The following NEBL variants were observed in gnomAD, a reference collection of about 807,000 sequenced individuals.
NEBL encodes the protein LIM and SH3 protein 2.
Under a neutral mutation model 140.2 loss-of-function variants are expected in NEBL, and 122 were observed. The ratio of observed to expected loss-of-function variants is 0.87; its 90% CI spans 0.75 to 1.01. The LOEUF is 1.01. NEBL is among the 50% of genes least tolerant of loss of function. NEBL has a pLI of 0.00. For synonymous variants in NEBL, 436 were observed against 398.9 expected, an observed-to-expected ratio of 1.09 and a Z score of -1.11; for missense variants, 1,365 against 1,231.3, an observed-to-expected ratio of 1.11 and a Z score of -1.62.
chr10:20,791,197 T>C (rs1835936249), intron 26 of NEBL, among the ~76,000 whole-genome samples: 1 of 152,198 alleles, frequency 6.6e-6, no homozygotes, highest in Admixed American at 6.5e-5. Flanking sequence ...GCTCTAAGCA[T>C]TTCAGGCTCT....
At chr10:20,837,745 G>T (rs941786718) in intron 13 of NEBL, among the ~76,000 whole-genome samples, 1 of 152,174 alleles carries the variant, frequency 6.6e-6, no homozygotes, top group Non-Finnish European at 1.5e-5. Context: ...TCTTATTAGG[G>T]TCTAACACAG....
At chr10:20,889,752 ATAT>A in intron 3 of NEBL, 90 bp downstream of exon 3, 1 of 815,258 alleles carries the variant, frequency 1.2e-6, no homozygotes, top group Non-Finnish European at 2.1e-6. Flanking sequence ...GCTTTTGAAA[ATAT>A]TATTCTTCAT....
chr10:20,815,734 C>T lies in NEBL; in HGVS notation c.2149-17G>A, dbSNP rs750555294. ...GTAATAAACCTATCATTTCAGAGAA[C>T]AAAAAATAGAATACTATGAATCAAT... On this transcript the variant is annotated splice_polypyrimidine_tract_variant and intron_variant, in intron 21 of 27. Transcript: ENST00000377122. 2 of 1,488,642 alleles carry T rather than the reference C, an allele frequency of 1.3e-6. No homozygotes were observed. Among genetic ancestry groups the T allele is most frequent in the Non-Finnish European group, 1.9e-6 (2 of 1,066,454 alleles). The allele number at this position is 1,488,642 out of a possible 1,614,324, so 92.2% of individuals were successfully genotyped here. A position where few individuals can be genotyped will look rare whatever the true frequency, so the allele number is the denominator to read the frequency against.
chr10:20,891,011 C>T (rs1296496088), intron 2 of NEBL, among the ~76,000 whole-genome samples: 7 of 152,074 alleles, frequency 4.6e-5, no homozygotes, highest in Admixed American at 2.0e-4. Context: ...TAATTATAAC[C>T]CAAAAGTGGA....
chr10:20,995,378 AC>A (rs1837627986), intron 3 of NEBL, among the ~76,000 whole-genome samples: 3 of 152,120 alleles, frequency 2.0e-5, no homozygotes, highest in Admixed American at 1.3e-4. Context: ...CTGCTTGGTC[AC>A]CTTTTCGGTG....
intron 5 of NEBL, among the ~76,000 whole-genome samples, chr10:20,879,262 G>T (rs1387925183): frequency 6.6e-6 from 1 of 152,156 alleles, no homozygotes; most frequent in East Asian, 1.9e-4. Context: ...TACAAAATAA[G>T]AATCAGTACA....
At chr10:21,059,515 AC>A (rs1835182782) in intron 2 of NEBL, among the ~76,000 whole-genome samples, 1 of 152,206 alleles carries the variant, frequency 6.6e-6, no homozygotes, top group South Asian at 2.1e-4. Context: ...AAGGGGAATG[AC>A]CTCTTGAATA....
At chr10:21,231,467 G>A (rs1486065842) in intron 3 of NEBL, among the ~76,000 whole-genome samples, 2 of 152,050 alleles carry the variant, frequency 1.3e-5, no homozygotes, top group African/African-American at 4.8e-5. Flanking sequence ...TTGAACTCGG[G>A]GGAGGAGGTT....
intron 3 of NEBL, among the ~76,000 whole-genome samples, chr10:21,191,485 T>C (rs766375567): frequency 1.2e-4 from 19 of 152,196 alleles, no homozygotes; most frequent in African/African-American, 2.2e-4. Flanking sequence ...AGTACATGGA[T>C]ACCAGGTTAG....
chr10:21,109,966 A>G (rs1267762779), intron 2 of NEBL, among the ~76,000 whole-genome samples: 2 of 152,072 alleles, frequency 1.3e-5, no homozygotes, highest in Non-Finnish European at 2.9e-5. Context: ...TCCTGGATTC[A>G]TTGAATTTTT....
intron 9 of NEBL, among the ~76,000 whole-genome samples, chr10:20,856,569 A>C (rs1843095311): frequency 6.6e-6 from 1 of 152,174 alleles, no homozygotes; most frequent in Non-Finnish European, 1.5e-5. Flanking sequence ...TCAATTTTAG[A>C]AGCATATCTA....
upstream of NEBL, among the ~76,000 whole-genome samples, chr10:21,179,427 C>T (rs1316156361): frequency 6.6e-6 from 1 of 152,124 alleles, no homozygotes; most frequent in South Asian, 2.1e-4. Flanking sequence ...AAGAATGCAG[C>T]GTCCATGTCC....
At chr10:21,163,845 G>A (rs1840655350) in intron 2 of NEBL, among the ~76,000 whole-genome samples, 1 of 152,208 alleles carries the variant, frequency 6.6e-6, no homozygotes, top group African/African-American at 2.4e-5. Flanking sequence ...CAGAGAGTGT[G>A]AAAAAGTAAA....
At chr10:20,797,262 A>C (rs1836644241) in intron 26 of NEBL, among the ~76,000 whole-genome samples, 2 of 152,216 alleles carry the variant, frequency 1.3e-5, no homozygotes, top group African/African-American at 4.8e-5. Context: ...TCCACTGCAG[A>C]GGATATTCTA....
intron 11 of NEBL, among the ~76,000 whole-genome samples, chr10:20,848,259 C>A (rs1221135948): frequency 3.3e-5 from 5 of 152,142 alleles, no homozygotes; most frequent in Admixed American, 1.3e-4. Flanking sequence ...ACAGTGTTTA[C>A]AAACTGTTAT....
intron 3 of NEBL, 49 bp downstream of exon 3, chr10:20,889,796 A>C (rs889296169): frequency 5.3e-6 from 6 of 1,122,600 alleles, no homozygotes; most frequent in Admixed American, 1.7e-5. Flanking sequence ...CATCTATATA[A>C]TAAGAAAAAG....
chr10:21,035,703 C>T (rs1833987776), intron 2 of NEBL, among the ~76,000 whole-genome samples: 1 of 149,456 alleles, frequency 6.7e-6, no homozygotes, highest in Non-Finnish European at 1.5e-5. Context: ...CTGAACTAGA[C>T]ACCATATTTT....
rs11012477 is a variant in NEBL, at chr10:21,004,126, A to T, written c.249+15991T>A. Among the ~76,000 whole-genome samples, 116 of 152,264 alleles carry T rather than the reference A, an allele frequency of 7.6e-4. 3 individuals carry two copies. In the East Asian group the frequency reaches 0.021, roughly 27 times the overall value. On this transcript the variant is annotated intron_variant, in intron 3 of 6. Transcript: ENST00000417816. Reference sequence around the variant, plus strand: ...TTTGAATTTGAGCATCAGATTGTTGATTTTTTTAAACCATTCTAGCCTTTA... The same window carrying T: ...TTTGAATTTGAGCATCAGATTGTTGTTTTTTTTAAACCATTCTAGCCTTTA...
intron 7 of NEBL, among the ~76,000 whole-genome samples, chr10:20,864,271 T>C (rs73607535): frequency 0.019 from 2,871 of 152,304 alleles, 86 homozygotes; most frequent in African/African-American, 0.065. Context: ...AAATCTGAGA[T>C]ACATATGCAC....
Sources: allele counts gnomAD v4.1 joint callset (sites outside exome capture counted in the v4.1 genomes callset), GRCh38; gene constraint gnomAD v4.1.1; transcripts MANE v1.5; gene names NCBI Gene and HGNC (gene_info 2026-07-23, HGNC 2026-07-21).